RILPL1: variants seen among roughly 807,000 people sequenced by gnomAD.
RILPL1 encodes RILP-like protein 1.
A neutral mutation model predicts 50.3 loss-of-function variants in RILPL1; 33 were observed. The observed-to-expected ratio is 0.66, with a 90% CI of 0.50 to 0.88. The LOEUF (loss-of-function observed/expected upper bound fraction) is 0.88, where lower values mean the gene tolerates loss of function less well. Among genes scored for constraint, RILPL1 ranks in the 40% least tolerant of loss-of-function variants. The probability of loss-of-function intolerance (pLI) is 0.00; values close to 1 mark genes in which losing one functional copy is unlikely to be tolerated. For missense variants in RILPL1, 418 were observed against 542.5 expected (o/e 0.77, Z 2.28); for synonymous variants, 205 against 228.6 (o/e 0.90, Z 0.93).
chr12:123,529,240 G>C (rs1197335610), intron 1 of RILPL1, among the ~76,000 whole-genome samples: 1 of 152,082 alleles, frequency 6.6e-6, no homozygotes, highest in Non-Finnish European at 1.5e-5. Flanking sequence ...TACCACCCTA[G>C]TCAGTCTCTT....
chr12:123,488,638 C>T (rs1228198868), intron 4 of RILPL1, among the ~76,000 whole-genome samples: 1 of 152,158 alleles, frequency 6.6e-6, no homozygotes, highest in African/African-American at 2.4e-5. Context: ...GGAGACAACA[C>T]CCACTGCTGG....
intron 1 of RILPL1, among the ~76,000 whole-genome samples, chr12:123,526,528 G>A (rs7974138): frequency 0.074 from 11,210 of 152,076 alleles, 932 homozygotes; most frequent in African/African-American, 0.2. Flanking sequence ...TAAGTAAAGC[G>A]CCTGGAATAT....
At chr12:123,488,253 A>G (rs1474301891) in intron 4 of RILPL1, among the ~76,000 whole-genome samples, 4 of 152,088 alleles carry the variant, frequency 2.6e-5, no homozygotes, top group Non-Finnish European at 5.9e-5. Context: ...AGCCCGGGCA[A>G]CATAGCAAGA....
chr12:123,498,660 G>C lies in RILPL1; in HGVS notation c.685C>G (p.Leu229Val). The C allele has an allele frequency of 1.2e-6, 2 of 1,613,738 alleles. No individual in the cohort carries two copies. Among genetic ancestry groups the C allele is most frequent in the Non-Finnish European group, 1.7e-6 (2 of 1,179,888 alleles). The change falls in exon 4 of 7, where the codon CTG (leucine) becomes GTG (valine). Residue 229 changes from leucine (L) to valine (V), a missense_variant. Physicochemically the swap from Leu to Val is conservative, Grantham distance 32 (BLOSUM62 1). Transcript: ENST00000376874. The surrounding 1 kb of genome is among the most constrained non-coding windows in gnomAD (Gnocchi z 4.3). ...TCCTTGGTCTGCAGGTCTGCCTCCA[G>C]CTCCACCTTCTGTTCGATCAGGGCT... Reference protein sequence around the residue: ...GKALIEQKVELEADLQTKEQE... With the variant: ...GKALIEQKVEVEADLQTKEQE...
At chr12:123,529,968 T>C (rs1430950559) in intron 1 of RILPL1, among the ~76,000 whole-genome samples, 1 of 151,992 alleles carries the variant, frequency 6.6e-6, no homozygotes, top group Non-Finnish European at 1.5e-5. Flanking sequence ...CACGTGGCTG[T>C]TGAGCATTTG....
chr12:123,485,569 A>G lies in RILPL1; in HGVS notation c.974+64T>C. ...TTCCAGGGGGTAAGAAGGTAACTGT[A>G]CAGAAACTCTGGCTAACCTCAGTAA... is the stretch of plus-strand genomic sequence containing the variant. On this transcript the variant is annotated intron_variant, in intron 5 of 6. Coordinates refer to ENST00000376874, the MANE Select transcript of RILPL1 (RefSeq NM_178314.5). The surrounding 1 kb of genome is among the most constrained non-coding windows in gnomAD (Gnocchi z 4.0). 4.7e-6 allele frequency: 7 copies of G among 1,486,844 alleles called. No homozygotes were observed. The South Asian group carries it at 6.0e-5, about 13-fold the overall frequency. The allele number at this position is 1,486,844 out of a possible 1,614,324, so 92.1% of individuals were successfully genotyped here. A position where few individuals can be genotyped will look rare whatever the true frequency, so the allele number is the denominator to read the frequency against.
In RILPL1 at chr12:123,498,683, G is replaced by C; in HGVS notation, c.662C>G (p.Ala221Gly). The change falls in exon 4 of 7, where the codon GCC becomes GGC. Residue 221 changes from alanine to glycine, a missense_variant. Physicochemically the swap from Ala to Gly is moderately conservative, Grantham distance 60 (BLOSUM62 0). Transcript: ENST00000376874. The surrounding 1 kb of genome is among the most constrained non-coding windows in gnomAD (Gnocchi z 4.3). The stretch of plus-strand genomic sequence containing the variant: ...CAGCTCCACCTTCTGTTCGATCAGG[G>C]CTTTCCCCTGGGCCTCCACCACCGT... ...RVTVVEAQGK[A>G]LIEQKVELEA... 1 of 1,613,684 alleles carries C rather than the reference G, an allele frequency of 6.2e-7. No homozygotes were observed. The highest frequency in any genetic ancestry group is 8.5e-7 in the Non-Finnish European group (1 of 1,179,890).
At chr12:123,497,314 G>C (rs578229879) in intron 4 of RILPL1, among the ~76,000 whole-genome samples, 2 of 152,190 alleles carry the variant, frequency 1.3e-5, no homozygotes, top group Admixed American at 1.3e-4. Context: ...AAACTCCTGG[G>C]CTCAAGTGAT....
chr12:123,505,635 T>TG lies in RILPL1; in HGVS notation c.461-6100dup, dbSNP rs1330687758. ...GCCCGGCCATCGAGTTTTTGTTTTCTGTTTTTTTTGACCCAGGGTCTCTGT... is the reference window on the plus strand; with the variant it reads ...GCCCGGCCATCGAGTTTTTGTTTTCTGGTTTTTTTTGACCCAGGGTCTCTGT... On this transcript the variant is annotated intron_variant, in intron 2 of 6. Transcript: ENST00000376874. Among the ~76,000 whole-genome samples the TG allele has an allele frequency of 3.3e-5, 5 of 152,112 alleles. No homozygotes were observed. The East Asian group carries it at 9.7e-4, about 29-fold the overall frequency.
chr12:123,496,555 G>A (rs974050695), intron 4 of RILPL1, among the ~76,000 whole-genome samples: 3 of 152,180 alleles, frequency 2.0e-5, no homozygotes, highest in African/African-American at 7.2e-5. Context: ...GAAAACACAA[G>A]CCTGAGTGTG....
intron 6 of RILPL1, among the ~76,000 whole-genome samples, chr12:123,478,165 T>TA (rs200274543): frequency 7.6e-4 from 115 of 151,662 alleles, no homozygotes; most frequent in African/African-American, 2.7e-3. Context: ...CCCGGCCAAT[T>TA]AAAAAAAATT....
intron 4 of RILPL1, among the ~76,000 whole-genome samples, chr12:123,497,237 G>C (rs1216314649): frequency 6.6e-6 from 1 of 152,168 alleles, no homozygotes; most frequent in African/African-American, 2.4e-5. Context: ...GAATAGTGCT[G>C]CTATAGGGTC....
Position 123,472,621 on chromosome 12 carries a change from G to A in RILPL1, c.1129C>T (p.Gln377Ter). The change falls in exon 7 of 7, where the codon CAG (glutamine) becomes TAG (stop). Residue 377 changes from glutamine (Q) to a stop codon, truncating the protein, a stop_gained. Coordinates refer to ENST00000376874, the MANE Select transcript of RILPL1 (RefSeq NM_178314.5). LOFTEE classifies it high-confidence loss of function. ...LANTQRNVHI[Q>*]ESFGQWANTH... ...TTTGCCCACTGTCCAAAGGACTCCT[G>A]GATGTGCACGTTTCTCTGTGTGTTG... 3.1e-6 allele frequency: 5 copies of A among 1,589,296 alleles called. No individual in the cohort carries two copies. The highest frequency in any genetic ancestry group is 4.3e-6 in the Non-Finnish European group (5 of 1,167,718).
rs184500770 is a variant in RILPL1 at position 123,491,739 on chromosome 12, G to A, written c.802-5934C>T. On this transcript the variant is annotated intron_variant, in intron 4 of 6. Coordinates refer to ENST00000376874, the MANE Select transcript of RILPL1 (RefSeq NM_178314.5). This position sits in a 1 kb window ranked among gnomAD's most constrained non-coding sequence, Gnocchi z 4.0. ...AAATCAAAACGTGTGGCTGGGCGCGGTGGCTCACACCTGTAATCCCAGCAG... is the reference window on the plus strand; with the variant it reads ...AAATCAAAACGTGTGGCTGGGCGCGATGGCTCACACCTGTAATCCCAGCAG... 1.7e-4 allele frequency among the ~76,000 whole-genome samples: 26 copies of A among 152,316 alleles called. No homozygotes were observed. The highest frequency in any genetic ancestry group is 6.0e-4 in the African/African-American group (25 of 41,564).
intron 2 of RILPL1, among the ~76,000 whole-genome samples, chr12:123,511,490 TGTA>T (rs1178851628): frequency 1.4e-5 from 2 of 140,078 alleles, no homozygotes; most frequent in Non-Finnish European, 3.1e-5. Flanking sequence ...GTGTGAGGTC[TGTA>T]TGTGTGTATG....
rs1042145702 is a variant in RILPL1, at chr12:123,533,448, T to G, written c.35A>C (p.Glu12Ala). The G allele has an allele frequency of 3.9e-6, 6 of 1,531,004 alleles. No homozygotes were observed. In the African/African-American group the frequency reaches 8.3e-5, roughly 21 times the overall value. The allele number at this position is 1,531,004 out of a possible 1,614,324, so 94.8% of individuals were successfully genotyped here. Reference protein sequence around the residue: ...EEERGSALAAESALEKNVAEL... With the variant: ...EEERGSALAAASALEKNVAEL... Reference sequence around the variant, plus strand: ...GGCCACGTTCTTCTCCAGCGCCGACTCGGCCGCCAGCGCCGACCCCCGCTC... The same window carrying G: ...GGCCACGTTCTTCTCCAGCGCCGACGCGGCCGCCAGCGCCGACCCCCGCTC... The change falls in exon 1 of 7, where the codon GAG becomes GCG. Residue 12 changes from glutamate to alanine, a missense_variant. By Grantham distance (107) the Glu-to-Ala change is moderately radical. Transcript: ENST00000376874. This position sits in a 1 kb window ranked among gnomAD's most constrained non-coding sequence, Gnocchi z 6.2.
intron 2 of RILPL1, among the ~76,000 whole-genome samples, chr12:123,509,433 CAT>C (rs1883951515): frequency 6.6e-6 from 1 of 151,954 alleles, no homozygotes; most frequent in Non-Finnish European, 1.5e-5. Context: ...CATGGTGGCG[CAT>C]GCCTGTAATC....
At chr12:123,494,847 C>T (rs191849991) in intron 4 of RILPL1, among the ~76,000 whole-genome samples, 16 of 152,286 alleles carry the variant, frequency 1.1e-4, no homozygotes, top group East Asian at 9.7e-4. Flanking sequence ...TGAACCCCTG[C>T]GAGGGACCCG....
chr12:123,511,916 G>A (rs548765223), intron 2 of RILPL1, among the ~76,000 whole-genome samples: 3 of 126,778 alleles, frequency 2.4e-5, no homozygotes, highest in African/African-American at 9.1e-5. Context: ...TGTGAGGTCT[G>A]TGTCTGTGTG....
Sources: gnomAD v4.1 joint callset for allele counts (sites outside exome capture counted in the v4.1 genomes callset) on GRCh38, gnomAD v4.1.1 for gene constraint, Gnocchi (gnomAD v3.1) non-coding constraint, MANE v1.5 for transcripts, NCBI Gene and HGNC (gene_info 2026-07-23, HGNC 2026-07-21) for gene names.